The following ZNF570 variants were observed in gnomAD, a reference collection of about 807,000 sequenced individuals.
ZNF570 encodes the protein zinc finger protein 570.
Under a neutral mutation model 14.2 loss-of-function variants are expected in ZNF570, and 8 were observed. The observed-to-expected ratio is 0.56, with a 90% CI of 0.33 to 1.02. The LOEUF (loss-of-function observed/expected upper bound fraction) is 1.02, where lower values mean the gene tolerates loss of function less well. ZNF570 is among the 50% of genes least tolerant of loss of function. The pLI is 0.03. For synonymous variants in ZNF570, 202 were observed against 207.6 expected (o/e 0.97, Z 0.23); for missense variants, 559 against 624.9 (o/e 0.89, Z 1.12).
In ZNF570 at chr19:37,469,674, G is replaced by A. The variant is rs542488788; in HGVS notation, c.-52+117G>A. 146 of 1,109,212 alleles carry A rather than the reference G, an allele frequency of 1.3e-4. No homozygotes were observed. In the African/African-American group the frequency reaches 2.1e-3, roughly 16 times the overall value. 68.7% of individuals were successfully genotyped at this position (1,109,212 alleles called of 1,614,324 possible). A position where few individuals can be genotyped will look rare whatever the true frequency, so the allele number is the denominator to read the frequency against. Reference sequence around the variant, plus strand: ...TGAGGCTGTGAGTTGAGGCGGGAGCGGGCGACTGTTCGCTGCACCTTGTTG... The same window carrying A: ...TGAGGCTGTGAGTTGAGGCGGGAGCAGGCGACTGTTCGCTGCACCTTGTTG... On this transcript the variant is annotated intron_variant, in intron 1 of 4. Transcript: ENST00000330173.
chr19:37,471,032 T>TTTTA, intron 2 of ZNF570, among the ~76,000 whole-genome samples: 1 of 134,422 alleles, frequency 7.4e-6, no homozygotes, highest in African/African-American at 3.0e-5. Flanking sequence ...TTTTTTTTGT[T>TTTTA]GAGACGGAGT....
At chr19:37,473,675 G>A (rs1014904026) in intron 2 of ZNF570, among the ~76,000 whole-genome samples, 9 of 152,124 alleles carry the variant, frequency 5.9e-5, no homozygotes, top group African/African-American at 2.2e-4. Flanking sequence ...AATGACTGTA[G>A]AAGCGTAGAG....
Position 37,485,217 on chromosome 19 carries a change from A to G in ZNF570, c.1595A>G (p.Asn532Ser), listed in dbSNP as rs1462005088. The G allele has an allele frequency of 9.0e-6, 14 of 1,552,170 alleles. No homozygotes were observed. Among genetic ancestry groups the G allele is most frequent in the East Asian group, 2.2e-5 (1 of 44,502 alleles). Residue 532 changes from asparagine to serine, a missense_variant, in exon 5 of 5, where the codon AAT becomes AGT. By Grantham distance (46) the Asn-to-Ser change is conservative. Transcript: ENST00000330173. ...TCACTGTCACCACCCAACCCAGTCA[A>G]TCACCAAGTCCTATAGATCCTGAGT... ...GESLSPPNPV[N>S]HQVL
At position 37,487,201 on chromosome 19, in the gene ZNF570, CAAAAAAAAAAAAAA is replaced by C. The variant is rs60321298; in HGVS notation, c.*1982_*1995del. The stretch of plus-strand genomic sequence containing the variant: ...TGGGCAATACAGCAAGACTCCATCT[CAAAAAAAAAAAAAA>C]AAAAAAAAAAAAAGCACTACCCCCA... On this transcript the variant is annotated 3_prime_UTR_variant, in exon 5 of 5. Transcript: ENST00000330173. 1 of 44,822 alleles carries C rather than the reference CAAAAAAAAAAAAAA, an allele frequency of 2.2e-5. No homozygotes were observed. The highest frequency in any genetic ancestry group is 4.3e-5 in the Non-Finnish European group (1 of 23,418). 2.8% of individuals were successfully genotyped at this position (44,822 alleles called of 1,614,324 possible).
At chr19:37,469,320 C>A (rs1408263872), upstream of ZNF570, 38 of 1,414,772 alleles carry the variant, frequency 2.7e-5, 1 homozygote, top group South Asian at 4.2e-4. Flanking sequence ...GGCCGGCGGC[C>A]CCTTTGTGTC....
At position 37,470,308 on chromosome 19, in the gene ZNF570, C is replaced by T; in HGVS notation, c.-47C>T. Reference sequence around the variant, plus strand: ...ATGTTCTTTTCCCCATCTCAGTCATCTGAGGCCACTGCTATTTCCCAAGAG... The same window carrying T: ...ATGTTCTTTTCCCCATCTCAGTCATTTGAGGCCACTGCTATTTCCCAAGAG... On this transcript the variant is annotated 5_prime_UTR_variant, in exon 2 of 5. Transcript: ENST00000330173. 1 of 1,614,026 alleles carries T rather than the reference C, an allele frequency of 6.2e-7. No homozygotes were observed. Among genetic ancestry groups the T allele is most frequent in the Non-Finnish European group, 8.5e-7 (1 of 1,179,920 alleles).
At chr19:37,470,713 T>TG in intron 2 of ZNF570, among the ~76,000 whole-genome samples, 1 of 145,764 alleles carries the variant, frequency 6.9e-6, no homozygotes, top group South Asian at 2.2e-4. Flanking sequence ...TTTTTTTTTT[T>TG]TTTTTTGAGA....
intron 2 of ZNF570, among the ~76,000 whole-genome samples, chr19:37,472,096 A>G (rs943431239): frequency 2.8e-4 from 42 of 151,922 alleles, no homozygotes; most frequent in Admixed American, 2.4e-3. Context: ...TAGTAGTGAC[A>G]GGGTTTCACC....
In ZNF570 at chr19:37,485,250, G is replaced by A. The variant is rs2042142313; in HGVS notation, c.*17G>A. 6.6e-7 allele frequency: 1 copy of A among 1,520,054 alleles called. No homozygotes were observed. Among genetic ancestry groups the A allele is most frequent in the East Asian group, 2.3e-5 (1 of 44,144 alleles). 94.2% of individuals were successfully genotyped at this position (1,520,054 alleles called of 1,614,324 possible). On this transcript the variant is annotated 3_prime_UTR_variant, in exon 5 of 5. Coordinates refer to ENST00000330173, the MANE Select transcript of ZNF570 (RefSeq NM_144694.5). The stretch of plus-strand genomic sequence containing the variant: ...GTCCTATAGATCCTGAGTCCTAAAT[G>A]TTTCTAGAATTTATACTGTTTTTTA...
Position 37,485,464 on chromosome 19 carries a change from G to T in ZNF570, c.*231G>T. 2.4e-6 allele frequency: 1 copy of T among 415,664 alleles called. No homozygotes were observed. The highest frequency in any genetic ancestry group is 4.2e-6 in the Non-Finnish European group (1 of 239,628). 25.7% of individuals were successfully genotyped at this position (415,664 alleles called of 1,614,324 possible). A position where few individuals can be genotyped will look rare whatever the true frequency, so the allele number is the denominator to read the frequency against. On this transcript the variant is annotated 3_prime_UTR_variant, in exon 5 of 5. Transcript: ENST00000330173. ...GCTGTGTTGCCCAGGCTGGAGTACAGTGGGACGATCTCAGCTCACTGCAAC... is the reference window on the plus strand; with the variant it reads ...GCTGTGTTGCCCAGGCTGGAGTACATTGGGACGATCTCAGCTCACTGCAAC...
intron 2 of ZNF570, among the ~76,000 whole-genome samples, chr19:37,473,985 C>T (rs1773137963): frequency 1.3e-5 from 2 of 152,182 alleles, no homozygotes; most frequent in South Asian, 2.1e-4. Context: ...GGTGACCTGC[C>T]TCACCTTCAG....
intron 4 of ZNF570, among the ~76,000 whole-genome samples, chr19:37,479,554 A>G (rs1350882039): frequency 6.6e-6 from 1 of 152,188 alleles, no homozygotes; most frequent in African/African-American, 2.4e-5. Context: ...TGAATTTAAA[A>G]AAAATGTCTT....
chr19:37,473,680 G>C (rs942238988), intron 2 of ZNF570, among the ~76,000 whole-genome samples: 3 of 152,020 alleles, frequency 2.0e-5, no homozygotes, highest in African/African-American at 7.2e-5. Flanking sequence ...CTGTAGAAGC[G>C]TAGAGGATGA....
chr19:37,479,558 A>G (rs1452952121), intron 4 of ZNF570, among the ~76,000 whole-genome samples: 1 of 152,152 alleles, frequency 6.6e-6, no homozygotes, highest in East Asian at 1.9e-4. Flanking sequence ...TTTAAAAAAA[A>G]TGTCTTTGAG....
At chr19:37,476,493 G>A (rs1162285399) in intron 4 of ZNF570, 59 bp downstream of exon 4, 1 of 1,553,748 alleles carries the variant, frequency 6.4e-7, no homozygotes, top group East Asian at 2.3e-5. Context: ...TTGACTCAAA[G>A]GTATCACCTC....
At chr19:37,471,038 G>C (rs1347951564) in intron 2 of ZNF570, among the ~76,000 whole-genome samples, 1 of 84,168 alleles carries the variant, frequency 1.2e-5, no homozygotes, top group Non-Finnish European at 2.2e-5. Context: ...TTGTTGAGAC[G>C]GAGTCTTGCT....
chr19:37,468,072 T>G (rs771813312), upstream of ZNF570: 143 of 203,490 alleles, frequency 7.0e-4, 1 homozygote, highest in African/African-American at 5.0e-3. Context: ...GCCTTTCGTG[T>G]TTTTTTTTTT....
At chr19:37,479,938 A>T (rs944698167) in intron 4 of ZNF570, among the ~76,000 whole-genome samples, 4 of 152,126 alleles carry the variant, frequency 2.6e-5, no homozygotes, top group Non-Finnish European at 4.4e-5. Flanking sequence ...TTATCTTTTA[A>T]CCAAATGATG....
At chr19:37,472,854 TC>T (rs1450556060) in intron 2 of ZNF570, among the ~76,000 whole-genome samples, 1 of 152,044 alleles carries the variant, frequency 6.6e-6, no homozygotes, top group Non-Finnish European at 1.5e-5. Context: ...TGTTAAAGAT[TC>T]AGTAGAAAGG....
Sources: allele counts gnomAD v4.1 joint callset (sites outside exome capture counted in the v4.1 genomes callset), GRCh38; gene constraint gnomAD v4.1.1; transcripts MANE v1.5; gene names NCBI Gene and HGNC (gene_info 2026-07-23, HGNC 2026-07-21).